GCGR: variants seen among roughly 807,000 people sequenced by gnomAD.
GCGR encodes the protein glucagon receptor.
A neutral mutation model predicts 56.1 loss-of-function variants in GCGR; 41 were observed. The ratio of observed to expected loss-of-function variants is 0.73; its 90% confidence interval spans 0.57 to 0.95. GCGR has a LOEUF of 0.95. GCGR is among the 40% of genes least tolerant of loss of function. GCGR has a pLI of 0.00. For synonymous variants in GCGR, 278 were observed against 271.1 expected (o/e 1.03, Z -0.25); for missense variants, 595 against 638.2 (o/e 0.93, Z 0.73).
At position 81,812,849 on chromosome 17, in the gene GCGR, C is replaced by G; in HGVS notation, c.1080C>G (p.Val360=). ...STLTLIPLLG[V]HEVVFAFVTD... ...TGACCCTCATCCCTCTGCTGGGCGT[C>G]CACGAAGTGGTCTTCGCCTTCGTGA... The change falls in exon 12 of 14, where the codon GTC becomes GTG. Residue 360 remains valine (V), a synonymous_variant. Transcript: ENST00000400723. This position sits in a 1 kb window ranked among gnomAD's most constrained non-coding sequence, Gnocchi z 8.5. 6.5e-7 allele frequency: 1 copy of G among 1,535,992 alleles called. No homozygotes were observed. The highest frequency in any genetic ancestry group is 8.7e-7 in the Non-Finnish European group (1 of 1,146,756).
rs1020960200 is a variant in GCGR, at chr17:81,809,800, C to T, written c.79C>T (p.Gln27Ter). 6.5e-7 allele frequency: 1 copy of T among 1,536,576 alleles called. No homozygotes were observed. Among genetic ancestry groups the T allele is most frequent in the Non-Finnish European group, 8.7e-7 (1 of 1,146,786 alleles). Reference protein sequence around the residue: ...LACQPQVPSAQVMDFLFEKWK... With the variant: ...LACQPQVPSA ...CCCCCAGCCACAGGTCCCCTCCGCT[C>T]AGGTGATGGACTTCCTGTTTGAGAA... Residue 27 changes from glutamine to a stop codon, truncating the protein, a stop_gained, in exon 3 of 14, where the codon CAG becomes TAG. Transcript: ENST00000400723. LOFTEE classifies it high-confidence loss of function.
rs1161651734 is a variant in GCGR, at chr17:81,813,727, C to T, written c.*38C>T. ...CCCCAGCTAGGGCTGGACTCTGGCA[C>T]CCAGAGGGCGTCGCTGGACAACCCA... On this transcript the variant is annotated 3_prime_UTR_variant, in exon 14 of 14. Coordinates refer to ENST00000400723, the MANE Select transcript of GCGR (RefSeq NM_000160.5). This position sits in a 1 kb window ranked among gnomAD's most constrained non-coding sequence, Gnocchi z 5.3. 1 of 1,519,934 alleles carries T rather than the reference C, an allele frequency of 6.6e-7. No individual in the cohort carries two copies. Among genetic ancestry groups the T allele is most frequent in the Admixed American group, 2.0e-5 (1 of 50,546 alleles). 94.2% of individuals were successfully genotyped at this position (1,519,934 alleles called of 1,614,324 possible).
At chr17:81,809,706 TCTGC>T (rs2038052346) in intron 2 of GCGR, 72 bp from the exon 3 acceptor site, 2 of 1,149,840 alleles carry the variant, frequency 1.7e-6, no homozygotes, top group Admixed American at 2.0e-5. Flanking sequence ...TGCCTGCCTG[TCTGC>T]CTGTCTGTCT....
intron 1 of GCGR, among the ~76,000 whole-genome samples, chr17:81,807,365 G>A (rs192978712): frequency 1.3e-5 from 2 of 152,356 alleles, no homozygotes; most frequent in South Asian, 2.1e-4. Context: ...AGTCTGTGAC[G>A]CAGGTGCCTG....
Position 81,810,748 on chromosome 17 carries a change from G to C in GCGR, c.164-77G>C. The C allele has an allele frequency of 7.4e-7, 1 of 1,350,752 alleles. No homozygotes were observed. The highest frequency in any genetic ancestry group is 1.2e-5 in the South Asian group (1 of 80,266). 83.7% of individuals were successfully genotyped at this position (1,350,752 alleles called of 1,614,324 possible). Reference sequence around the variant, plus strand: ...GGCCGAGCTCAGGCTTCCAGAGAGAGGAGAGAGGCCTGCTGAGGGAGCCCC... The same window carrying C: ...GGCCGAGCTCAGGCTTCCAGAGAGACGAGAGAGGCCTGCTGAGGGAGCCCC... On this transcript the variant is annotated intron_variant, in intron 3 of 13. Transcript: ENST00000400723. This position sits in a 1 kb window ranked among gnomAD's most constrained non-coding sequence, Gnocchi z 4.6.
chr17:81,809,167 CCTGTCTGCCTGCCTGT>C (rs1358861103), intron 2 of GCGR, 89 bp downstream of exon 2: 1 of 1,366,996 alleles, frequency 7.3e-7, no homozygotes, highest in Admixed American at 2.1e-5. Context: ...TGCCTGCCTG[CCTGTCTGCCTGCCTGT>C]CTGTCTGTCT....
rs575138723 is a variant in GCGR at position 81,806,710 on chromosome 17, G to A, written c.-177-2132G>A. 9.5e-4 allele frequency among the ~76,000 whole-genome samples: 145 copies of A among 152,240 alleles called. No individual in the cohort carries two copies. Among genetic ancestry groups the A allele is most frequent in the African/African-American group, 3.4e-3 (143 of 41,550 alleles). On this transcript the variant is annotated intron_variant, in intron 1 of 13. Transcript: ENST00000400723. This position sits in a 1 kb window ranked among gnomAD's most constrained non-coding sequence, Gnocchi z 6.5. The stretch of plus-strand genomic sequence containing the variant: ...TTGGGGCAGAGCCAGGCTTGGCCAC[G>A]CTGGGCTCTAAGGGGCTGTCATTTT...
chr17:81,809,092 G>A lies in GCGR; in HGVS notation c.60+14G>A, dbSNP rs1273613224. 2.6e-6 allele frequency: 4 copies of A among 1,534,948 alleles called. No individual in the cohort carries two copies. Among genetic ancestry groups the A allele is most frequent in the Non-Finnish European group, 3.5e-6 (4 of 1,146,268 alleles). Reference sequence around the variant, plus strand: ...CTGGCCTGCCAGGTGAGGACTCACAGCACCCTCAGCACCCAGGGGCCCTCC... The same window carrying A: ...CTGGCCTGCCAGGTGAGGACTCACAACACCCTCAGCACCCAGGGGCCCTCC... On this transcript the variant is annotated intron_variant, in intron 2 of 13. Transcript: ENST00000400723.
rs2038143895 is a variant in GCGR at position 81,813,380 on chromosome 17, G to C, written c.1219-94G>C. ...GTCGCTCTGCACCCCTCAGAGCGGA[G>C]ACTGGGCATCTCCGATGAGGCCCAC... is the stretch of plus-strand genomic sequence containing the variant. On this transcript the variant is annotated intron_variant, in intron 13 of 13. Transcript: ENST00000400723. This position sits in a 1 kb window ranked among gnomAD's most constrained non-coding sequence, Gnocchi z 5.3. 2 of 1,211,752 alleles carry C rather than the reference G, an allele frequency of 1.7e-6. No homozygotes were observed. The highest frequency in any genetic ancestry group is 1.5e-5 in the African/African-American group (1 of 66,340). The allele number at this position is 1,211,752 out of a possible 1,614,324, so 75.1% of individuals were successfully genotyped here. A position where few individuals can be genotyped will look rare whatever the true frequency, so the allele number is the denominator to read the frequency against.
At position 81,804,608 on chromosome 17, in the gene GCGR, G is replaced by C. The variant is rs1312604532; in HGVS notation, c.-178+359G>C. 6.6e-6 allele frequency among the ~76,000 whole-genome samples: 1 copy of C among 151,972 alleles called. No individual in the cohort carries two copies. The highest frequency in any genetic ancestry group is 1.5e-5 in the Non-Finnish European group (1 of 67,950). Reference sequence around the variant, plus strand: ...TCAGGGCCCCGGGCCCCGCCGCCCTGGGGAGCGCACAAAGCGCCGCGGACG... The same window carrying C: ...TCAGGGCCCCGGGCCCCGCCGCCCTCGGGAGCGCACAAAGCGCCGCGGACG... On this transcript the variant is annotated intron_variant, in intron 1 of 13. Coordinates refer to ENST00000400723, the MANE Select transcript of GCGR (RefSeq NM_000160.5). The surrounding 1 kb of genome is among the most constrained non-coding windows in gnomAD (Gnocchi z 8.2).
At chr17:81,809,992 C>A in intron 3 of GCGR, 108 bp downstream of exon 3, 1 of 836,390 alleles carries the variant, frequency 1.2e-6, no homozygotes, top group Non-Finnish European at 2.0e-6. Context: ...AGGACCCCGC[C>A]AAGGGGCCCT....
rs2038070254 is a variant in GCGR at position 81,810,521 on chromosome 17, G to A, written c.164-304G>A. On this transcript the variant is annotated intron_variant, in intron 3 of 13. Transcript: ENST00000400723. This position sits in a 1 kb window ranked among gnomAD's most constrained non-coding sequence, Gnocchi z 4.6. ...GTCACGGAGAATGGGGGACCCCAGTGTGGGTTTGGGGCACATTTGAGATGG... is the reference window on the plus strand; with the variant it reads ...GTCACGGAGAATGGGGGACCCCAGTATGGGTTTGGGGCACATTTGAGATGG... 2 of 509,084 alleles carry A rather than the reference G, an allele frequency of 3.9e-6. No individual in the cohort carries two copies. Among genetic ancestry groups the A allele is most frequent in the South Asian group, 2.2e-5 (1 of 45,032 alleles). The allele number at this position is 509,084 out of a possible 1,614,324, so 31.5% of individuals were successfully genotyped here. A position where few individuals can be genotyped will look rare whatever the true frequency, so the allele number is the denominator to read the frequency against.
chr17:81,807,833 T>C (rs2037994247), intron 1 of GCGR, among the ~76,000 whole-genome samples: 1 of 152,256 alleles, frequency 6.6e-6, no homozygotes, highest in African/African-American at 2.4e-5. Context: ...TTTGTGTAGC[T>C]GTTGCCACCC....
chr17:81,812,619 G>T lies in GCGR; in HGVS notation c.991G>T (p.Ala331Ser). Residue 331 changes from alanine (A) to serine (S), a missense_variant, in exon 11 of 14, where the codon GCC (alanine) becomes TCC (serine). Transcript: ENST00000400723. This position sits in a 1 kb window ranked among gnomAD's most constrained non-coding sequence, Gnocchi z 8.5. The stretch of plus-strand genomic sequence containing the variant: ...CGTCCGCATCGTTCAGCTGCTCGTG[G>T]CCAAGCTGCGGGCACGGCAGATGCA... ...IFVRIVQLLV[A>S]KLRARQMHHT... The T allele has an allele frequency of 5.2e-6, 8 of 1,536,484 alleles. No individual in the cohort carries two copies. The highest frequency in any genetic ancestry group is 7.0e-6 in the Non-Finnish European group (8 of 1,146,782).
In GCGR at chr17:81,806,235, G is replaced by A. The variant is rs751226511; in HGVS notation, c.-178+1986G>A. Reference sequence around the variant, plus strand: ...ATGGGACCCACCACCCGCAGGGAACGGAGGACGCTCACACTTCTGCACCTC... The same window carrying A: ...ATGGGACCCACCACCCGCAGGGAACAGAGGACGCTCACACTTCTGCACCTC... On this transcript the variant is annotated intron_variant, in intron 1 of 13. Transcript: ENST00000400723. This position sits in a 1 kb window ranked among gnomAD's most constrained non-coding sequence, Gnocchi z 6.5. 1.6e-4 allele frequency among the ~76,000 whole-genome samples: 25 copies of A among 152,234 alleles called. No homozygotes were observed. Among genetic ancestry groups the A allele is most frequent in the Non-Finnish European group, 3.2e-4 (22 of 67,998 alleles).
intron 1 of GCGR, among the ~76,000 whole-genome samples, chr17:81,808,178 T>C (rs1028481094): frequency 9.9e-5 from 15 of 152,174 alleles, no homozygotes; most frequent in Non-Finnish European, 7.4e-5. Flanking sequence ...GCCCAGCCAC[T>C]TTGCTCGCTG....
rs1354664189 is a variant in GCGR at position 81,812,170 on chromosome 17, C to G, written c.879-13C>G. 2.0e-6 allele frequency: 3 copies of G among 1,535,922 alleles called. No homozygotes were observed. Among genetic ancestry groups the G allele is most frequent in the Non-Finnish European group, 2.6e-6 (3 of 1,146,742 alleles). On this transcript the variant is annotated splice_polypyrimidine_tract_variant and intron_variant, in intron 9 of 13. Transcript: ENST00000400723. This position sits in a 1 kb window ranked among gnomAD's most constrained non-coding sequence, Gnocchi z 8.5. ...GGGCTGTGCCCCAGTATGTGAGTGG[C>G]CTGGCCTCGCAGGTGCTGGACCAGC...
intron 2 of GCGR, 145 bp from the exon 3 acceptor site, chr17:81,809,637 G>A (rs2038049763): frequency 7.4e-6 from 5 of 677,982 alleles, no homozygotes; most frequent in South Asian, 6.9e-5. Flanking sequence ...CTGCCTGCCT[G>A]TCTGTCTGCC....
At position 81,813,003 on chromosome 17, in the gene GCGR, C is replaced by T; in HGVS notation, c.1177-13C>T. ...GGCGCAGTGTGCCACCCCTGACCACCCTGTCTCTCCAGGGCCTGCTGGTGG... is the reference window on the plus strand; with the variant it reads ...GGCGCAGTGTGCCACCCCTGACCACTCTGTCTCTCCAGGGCCTGCTGGTGG... On this transcript the variant is annotated splice_polypyrimidine_tract_variant and intron_variant, in intron 12 of 13. Coordinates refer to ENST00000400723, the MANE Select transcript of GCGR (RefSeq NM_000160.5). The surrounding 1 kb of genome is among the most constrained non-coding windows in gnomAD (Gnocchi z 5.3). 6.5e-7 allele frequency: 1 copy of T among 1,536,398 alleles called. No individual in the cohort carries two copies.
Sources: gnomAD v4.1 joint callset for allele counts (sites outside exome capture counted in the v4.1 genomes callset) on GRCh38, gnomAD v4.1.1 for gene constraint, Gnocchi (gnomAD v3.1) non-coding constraint, MANE v1.5 for transcripts, NCBI Gene and HGNC (gene_info 2026-07-23, HGNC 2026-07-21) for gene names.